The following ABHD18 variants were observed in gnomAD, a reference collection of about 807,000 sequenced individuals.
ABHD18 encodes abhydrolase domain containing 18.
A neutral mutation model predicts 65.9 loss-of-function variants in ABHD18; 55 were observed. The ratio of observed to expected loss-of-function variants is 0.84; its 90% CI spans 0.67 to 1.05. The LOEUF (loss-of-function observed/expected upper bound fraction) is 1.05, where lower values mean the gene tolerates loss of function less well. ABHD18 is among the 50% of genes least tolerant of loss of function. ABHD18 has a pLI of 0.00. For missense variants in ABHD18, 533 were observed against 558.5 expected (o/e 0.95, Z 0.46); for synonymous variants, 181 against 180.2 (o/e 1.00, Z -0.04).
rs1329579315 is a variant in ABHD18, at chr4:128,039,112, GTA to G, written c.*3307_*3308del. On this transcript the variant is annotated 3_prime_UTR_variant, in exon 13 of 13. Transcript: ENST00000645843. ...TATGTGTGTATATATATGTATGTAC[GTA>G]TATATATGTATTATATATACACACA... 3.6e-5 allele frequency: 4 copies of G among 112,264 alleles called. No homozygotes were observed. The highest frequency in any genetic ancestry group is 2.7e-4 in the South Asian group (1 of 3,674). 7.0% of individuals were successfully genotyped at this position (112,264 alleles called of 1,614,324 possible).
intron 10 of ABHD18, among the ~76,000 whole-genome samples, chr4:128,026,789 CTTT>C (rs1389977770): frequency 2.8e-5 from 4 of 142,276 alleles, no homozygotes; most frequent in Non-Finnish European, 3.1e-5. Flanking sequence ...TTTTCTTTTT[CTTT>C]TTTTTTTTTT....
chr4:127,974,617 C>A (rs900742099), intron 1 of ABHD18, among the ~76,000 whole-genome samples: 26 of 151,954 alleles, frequency 1.7e-4, no homozygotes, highest in Admixed American at 6.6e-5. Context: ...AAGCTATCCA[C>A]CCGTGTCAGC....
chr4:128,035,308 C>T (rs1758762755), intron 12 of ABHD18, among the ~76,000 whole-genome samples: 1 of 151,994 alleles, frequency 6.6e-6, no homozygotes, highest in Admixed American at 6.6e-5. Context: ...TTGAGGTTTT[C>T]CGGTAGTGGT....
intron 4 of ABHD18, among the ~76,000 whole-genome samples, chr4:127,999,837 G>T (rs182034072): frequency 4.7e-4 from 72 of 152,024 alleles, no homozygotes; most frequent in Admixed American, 1.8e-3. Context: ...TTGTTTCTGG[G>T]GACTTACTTA....
intron 6 of ABHD18, among the ~76,000 whole-genome samples, chr4:128,010,687 G>A (rs909966418): frequency 1.3e-5 from 2 of 152,036 alleles, no homozygotes; most frequent in African/African-American, 4.8e-5. Context: ...GCCAAGGCAG[G>A]AGGATCACCT....
At position 128,021,189 on chromosome 4, in the gene ABHD18, C is replaced by T. The variant is rs747003321; in HGVS notation, c.752C>T (p.Thr251Ile). 6.5e-6 allele frequency: 10 copies of T among 1,548,364 alleles called. No individual in the cohort carries two copies. Among genetic ancestry groups the T allele is most frequent in the Non-Finnish European group, 2.6e-6 (3 of 1,145,268 alleles). The change falls in exon 10 of 13, where the codon ACC becomes ATC. Residue 251 changes from threonine (T) to isoleucine (I), a missense_variant. By Grantham distance (89) the Thr-to-Ile change is moderately conservative. This residue lies in a region of ABHD18 where 309 missense variants were observed against 313.5 expected (regional missense o/e 0.99). Transcript: ENST00000645843. ...AGGGAGCTGGAAAAGCAATATTATACCCAGACAGTTTATGAAGAAGAAATT... is the reference window on the plus strand; with the variant it reads ...AGGGAGCTGGAAAAGCAATATTATATCCAGACAGTTTATGAAGAAGAAATT... ...NWRELEKQYY[T>I]QTVYEEEIIH...
intron 4 of ABHD18, among the ~76,000 whole-genome samples, chr4:127,992,269 C>T (rs920084169): frequency 5.3e-5 from 8 of 152,006 alleles, no homozygotes; most frequent in Admixed American, 5.2e-4. Flanking sequence ...ATCAGGAGTT[C>T]GAGACCAGCC....
chr4:127,975,749 T>A (rs1169377583), intron 1 of ABHD18, among the ~76,000 whole-genome samples: 2 of 152,226 alleles, frequency 1.3e-5, no homozygotes, highest in Admixed American at 6.5e-5. Context: ...AGAATTTTTT[T>A]AAATCAATAT....
At chr4:127,993,055 CAG>C (rs1250192962) in intron 4 of ABHD18, among the ~76,000 whole-genome samples, 2 of 151,790 alleles carry the variant, frequency 1.3e-5, no homozygotes, top group Admixed American at 1.3e-4. Context: ...GCCTGGGTGA[CAG>C]AGCAAGACCC....
At chr4:127,972,189 C>T (rs1277748574) in intron 1 of ABHD18, among the ~76,000 whole-genome samples, 7 of 152,214 alleles carry the variant, frequency 4.6e-5, no homozygotes, top group Non-Finnish European at 7.3e-5. Context: ...CCTATGGACT[C>T]AGGGAGCATC....
intron 4 of ABHD18, among the ~76,000 whole-genome samples, chr4:127,992,427 A>G (rs1408739375): frequency 2.0e-5 from 3 of 152,006 alleles, no homozygotes; most frequent in African/African-American, 7.2e-5. Flanking sequence ...GTGAGCTGAG[A>G]TCGTGCCATT....
rs1279043308 is a variant in ABHD18 at position 128,039,900 on chromosome 4, A to C, written c.*4087A>C. On this transcript the variant is annotated 3_prime_UTR_variant, in exon 13 of 13. Transcript: ENST00000645843. ...TATCAGTATCTCTATAAAAATAACC[A>C]AAATTTTCCCCAAATATGTGTGATC... The C allele has an allele frequency of 6.6e-6, 1 of 152,192 alleles. No individual in the cohort carries two copies. The highest frequency in any genetic ancestry group is 1.5e-5 in the Non-Finnish European group (1 of 68,034). 9.4% of individuals were successfully genotyped at this position (152,192 alleles called of 1,614,324 possible).
intron 10 of ABHD18, 63 bp downstream of exon 10, chr4:128,021,301 T>A: frequency 1.0e-6 from 1 of 1,003,570 alleles, no homozygotes; most frequent in Non-Finnish European, 1.5e-6. Flanking sequence ...ATTTAATGAT[T>A]CAGGTTTTTA....
chr4:128,034,283 G>C (rs2149202138), intron 12 of ABHD18, among the ~76,000 whole-genome samples: 1 of 152,238 alleles, frequency 6.6e-6, no homozygotes, highest in East Asian at 1.9e-4. Context: ...TAAAAGCCTG[G>C]AGGAAAGATA....
At chr4:128,021,632 C>T (rs1051336517) in intron 10 of ABHD18, among the ~76,000 whole-genome samples, 3 of 150,006 alleles carry the variant, frequency 2.0e-5, no homozygotes, top group African/African-American at 7.6e-5. Flanking sequence ...GCAGCCTGGG[C>T]GACAGAGTGA....
intron 10 of ABHD18, among the ~76,000 whole-genome samples, chr4:128,024,282 T>C (rs1439097967): frequency 6.6e-6 from 1 of 152,184 alleles, no homozygotes; most frequent in Non-Finnish European, 1.5e-5. Flanking sequence ...CCATTCCCGG[T>C]AACTAACCCA....
At chr4:127,969,895 C>T (rs192330003) in intron 1 of ABHD18, among the ~76,000 whole-genome samples, 1 of 152,154 alleles carries the variant, frequency 6.6e-6, no homozygotes, top group East Asian at 1.9e-4. Context: ...TACAGGTGTG[C>T]ACCACCACAC....
intron 1 of ABHD18, among the ~76,000 whole-genome samples, chr4:127,980,599 G>T (rs1349687461): frequency 6.8e-6 from 1 of 148,094 alleles, no homozygotes; most frequent in African/African-American, 2.4e-5. Context: ...CAAGGCGGAC[G>T]GATAACCTCA....
At chr4:128,012,857 G>A (rs1263654863) in intron 7 of ABHD18, among the ~76,000 whole-genome samples, 3 of 151,782 alleles carry the variant, frequency 2.0e-5, no homozygotes, top group African/African-American at 4.8e-5. Context: ...CTTGGTGTCA[G>A]TAGTTCGAGA....
Sources: allele counts gnomAD v4.1 joint callset (sites outside exome capture counted in the v4.1 genomes callset), GRCh38; gene constraint gnomAD v4.1.1; regional missense constraint gnomAD v4.1.1; transcripts MANE v1.5; gene names NCBI Gene and HGNC (gene_info 2026-07-23, HGNC 2026-07-21).